LRP6: variants seen among roughly 807,000 people sequenced by gnomAD.
LRP6 encodes the protein LDL receptor related protein 6, also known as low-density lipoprotein receptor-related protein 6.
LRP6 carries 43 observed loss-of-function variants against 184.1 expected under a neutral mutation model. The ratio of observed to expected loss-of-function variants is 0.23; its 90% CI spans 0.18 to 0.30. The LOEUF is 0.30. LRP6 is among the 10% of genes least tolerant of loss of function. The pLI is 1.00. For missense variants in LRP6, 1,571 were observed against 2,005.3 expected, an observed-to-expected ratio of 0.78 and a Z score of 4.14; for synonymous variants, 719 against 684.9, an observed-to-expected ratio of 1.05 and a Z score of -0.78.
At chr12:12,159,300 T>C (rs193257168) in intron 11 of LRP6, 145 bp from the exon 12 acceptor site, 8 of 677,816 alleles carry the variant, frequency 1.2e-5, no homozygotes, top group African/African-American at 1.1e-4. Context: ...AAAATTCATT[T>C]AAAAGCAATT....
At position 12,199,964 on chromosome 12, in the gene LRP6, C is replaced by CAAAAA. The variant is rs146224493; in HGVS notation, c.647+3234_647+3238dup. On this transcript the variant is annotated intron_variant, in intron 3 of 22. Transcript: ENST00000261349. ...TGGGCAACAGAGCGAGACTCCATCT[C>CAAAAA]AAAAAAAAAAAAAAAAAAAAAAAAA... 5.8e-4 allele frequency among the ~76,000 whole-genome samples: 26 copies of CAAAAA among 45,202 alleles called. 1 individual carries two copies. The highest frequency in any genetic ancestry group is 2.4e-3 in the African/African-American group (25 of 10,264). 29.7% of individuals were successfully genotyped at this position (45,202 alleles called of 152,430 possible). A position where few individuals can be genotyped will look rare whatever the true frequency, so the allele number is the denominator to read the frequency against.
intron 2 of LRP6, among the ~76,000 whole-genome samples, chr12:12,213,470 T>C (rs537880862): frequency 2.8e-4 from 43 of 152,218 alleles, no homozygotes; most frequent in Non-Finnish European, 5.9e-5. Context: ...TATTAATATA[T>C]CTGTTACAAA....
At chr12:12,150,339 T>C (rs1950065198) in intron 13 of LRP6, among the ~76,000 whole-genome samples, 1 of 152,206 alleles carries the variant, frequency 6.6e-6, no homozygotes, top group African/African-American at 2.4e-5. Context: ...ACTGAGATTG[T>C]GTTATATGTT....
intron 2 of LRP6, among the ~76,000 whole-genome samples, chr12:12,235,371 G>A (rs1864905238): frequency 6.6e-6 from 1 of 152,176 alleles, no homozygotes; most frequent in Admixed American, 6.5e-5. Flanking sequence ...CTAGGGGTAT[G>A]TGTGTCTACA....
intron 1 of LRP6, among the ~76,000 whole-genome samples, chr12:12,260,252 C>T (rs1460672970): frequency 1.3e-5 from 2 of 151,982 alleles, no homozygotes; most frequent in Non-Finnish European, 2.9e-5. Context: ...GTTGGCGGGG[C>T]CTGCAGTCCC....
chr12:12,232,686 T>G (rs1004511897), intron 2 of LRP6, among the ~76,000 whole-genome samples: 2 of 149,078 alleles, frequency 1.3e-5, no homozygotes, highest in Non-Finnish European at 1.5e-5. Context: ...ACATAAAAGA[T>G]GGAATAAAAT....
At chr12:12,243,893 G>A (rs140986660) in intron 2 of LRP6, among the ~76,000 whole-genome samples, 1 of 152,142 alleles carries the variant, frequency 6.6e-6, no homozygotes, top group Non-Finnish European at 1.5e-5. Flanking sequence ...TAGGATTACA[G>A]ATGTGCGCCA....
intron 2 of LRP6, among the ~76,000 whole-genome samples, chr12:12,214,553 A>G (rs1054613618): frequency 2.6e-5 from 4 of 152,250 alleles, no homozygotes; most frequent in Non-Finnish European, 5.9e-5. Context: ...AAAAGGCAAA[A>G]GCTTAAAATT....
At chr12:12,255,566 CTTTTTT>C (rs749441005) in intron 1 of LRP6, among the ~76,000 whole-genome samples, 8 of 114,142 alleles carry the variant, frequency 7.0e-5, no homozygotes, top group Admixed American at 4.7e-4. Context: ...GGTTTGGTCA[CTTTTTT>C]TTTTTTTTTT....
At chr12:12,185,349 T>C (rs906748015) in intron 4 of LRP6, among the ~76,000 whole-genome samples, 1 of 152,156 alleles carries the variant, frequency 6.6e-6, no homozygotes, top group African/African-American at 2.4e-5. Flanking sequence ...AAAAAATTCA[T>C]ACAAGTGACT....
chr12:12,266,783 G>C lies in LRP6; in HGVS notation c.-48C>G. On this transcript the variant is annotated 5_prime_UTR_variant, in exon 1 of 23. Transcript: ENST00000261349. ...TCTCACCGGCGAGGGGTGGCCAGAAGTGGGGGAGGCGAGGAGCCGGGGCGG... is the reference window on the plus strand; with the variant it reads ...TCTCACCGGCGAGGGGTGGCCAGAACTGGGGGAGGCGAGGAGCCGGGGCGG... 1 of 1,540,358 alleles carries C rather than the reference G, an allele frequency of 6.5e-7. No homozygotes were observed. The highest frequency in any genetic ancestry group is 1.2e-5 in the South Asian group (1 of 86,608).
chr12:12,217,757 A>AT (rs1206895025), intron 2 of LRP6, among the ~76,000 whole-genome samples: 2 of 152,236 alleles, frequency 1.3e-5, no homozygotes, highest in Non-Finnish European at 2.9e-5. Flanking sequence ...TTGACTTTCA[A>AT]TGAGGATGTG....
intron 9 of LRP6, 61 bp from the exon 10 acceptor site, chr12:12,162,480 A>AGGGTT: frequency 1.4e-6 from 2 of 1,461,688 alleles, no homozygotes; most frequent in Admixed American, 3.3e-5. Flanking sequence ...TCCAGAAAGA[A>AGGGTT]GGTTTGGTTT....
intron 1 of LRP6, among the ~76,000 whole-genome samples, chr12:12,266,019 G>A (rs1865747426): frequency 1.3e-5 from 2 of 152,176 alleles, no homozygotes; most frequent in South Asian, 4.1e-4. Context: ...CGAAAATAGG[G>A]GCAAGCCGTG....
chr12:12,256,258 G>T (rs1865461886), intron 1 of LRP6, among the ~76,000 whole-genome samples: 1 of 152,176 alleles, frequency 6.6e-6, no homozygotes, highest in Non-Finnish European at 1.5e-5. Flanking sequence ...AGAAAAACAG[G>T]AACTTAAAAT....
At chr12:12,254,681 T>G (rs1319752269) in intron 1 of LRP6, among the ~76,000 whole-genome samples, 1 of 152,208 alleles carries the variant, frequency 6.6e-6, no homozygotes, top group Non-Finnish European at 1.5e-5. Context: ...TTTGAAAATA[T>G]TCATTTAATC....
At chr12:12,138,632 G>T in intron 15 of LRP6, 98 bp from the exon 16 acceptor site, 19 of 1,278,660 alleles carry the variant, frequency 1.5e-5, no homozygotes, top group Non-Finnish European at 1.9e-5. Flanking sequence ...TACAGGTAGA[G>T]AAAAGAAAAA....
At chr12:12,219,554 T>C (rs1864434138) in intron 2 of LRP6, among the ~76,000 whole-genome samples, 1 of 152,034 alleles carries the variant, frequency 6.6e-6, no homozygotes, top group Admixed American at 6.6e-5. Context: ...TTTTTCAACA[T>C]TAGAAAGGGG....
chr12:12,126,568 A>T, intron 20 of LRP6, 123 bp downstream of exon 20: 1 of 785,936 alleles, frequency 1.3e-6, no homozygotes, highest in Non-Finnish European at 2.2e-6. Context: ...TTGTCCTTAT[A>T]ATTGTTTAAA....
Sources: gnomAD v4.1 joint callset for allele counts (sites outside exome capture counted in the v4.1 genomes callset) on GRCh38, gnomAD v4.1.1 for gene constraint, MANE v1.5 for transcripts, NCBI Gene and HGNC (gene_info 2026-07-23, HGNC 2026-07-21) for gene names.